KATNAL1: variants seen among roughly 807,000 people sequenced by gnomAD.
The protein encoded by KATNAL1 is katanin p60 ATPase-containing subunit A-like 1.
In KATNAL1, 32 loss-of-function variants were observed where a neutral mutation model predicts 55.2. The observed-to-expected ratio is 0.58, with a 90% confidence interval of 0.44 to 0.78. KATNAL1 has a LOEUF of 0.78. Ranked by LOEUF, KATNAL1 falls within the 30% of genes least tolerant of loss-of-function variation. KATNAL1 has a pLI of 0.00. For synonymous variants in KATNAL1, 193 were observed against 193.6 expected, an observed-to-expected ratio of 1.00 and a Z score of 0.02; for missense variants, 466 against 600.9, an observed-to-expected ratio of 0.78 and a Z score of 2.35.
chr13:30,280,647 A>C (rs979113920), intron 2 of KATNAL1, among the ~76,000 whole-genome samples: 1 of 152,178 alleles, frequency 6.6e-6, no homozygotes, highest in Non-Finnish European at 1.5e-5. Flanking sequence ...CAATATCACT[A>C]AATATAAAAC....
intron 2 of KATNAL1, among the ~76,000 whole-genome samples, chr13:30,282,037 A>T (rs116485681): frequency 0.53 from 79,471 of 150,648 alleles, 21,955 homozygotes; most frequent in African/African-American, 0.72. Context: ...TTATTTGTAA[A>T]AAAAAAAAAA....
chr13:30,280,359 C>A, intron 2 of KATNAL1, 136 bp from the exon 3 acceptor site: 1 of 609,352 alleles, frequency 1.6e-6, no homozygotes, highest in South Asian at 3.9e-5. Flanking sequence ...TTCATAAATA[C>A]AAAGAACTAT....
In KATNAL1 at chr13:30,232,600, C is replaced by G. The variant is rs144040996; in HGVS notation, c.727-1128G>C. On this transcript the variant is annotated intron_variant, in intron 6 of 10. Transcript: ENST00000380615. ...AACCAGAGCAAAGTTCTTATTTCTC[C>G]GATGCCTTTTTCCATGCTCTCTGAG... Among the ~76,000 whole-genome samples, 255 of 152,238 alleles carry G rather than the reference C, an allele frequency of 1.7e-3. 1 individual carries two copies. Among genetic ancestry groups the G allele is most frequent in the African/African-American group, 5.6e-3 (232 of 41,544 alleles).
chr13:30,246,228 G>A lies in KATNAL1; in HGVS notation c.493-5142C>T, dbSNP rs1336538439. Among the ~76,000 whole-genome samples, 4 of 152,284 alleles carry A rather than the reference G, an allele frequency of 2.6e-5. No individual in the cohort carries two copies. The East Asian group carries it at 7.7e-4, about 29-fold the overall frequency. ...CCAATGGAACAGAACAGAGGCCTCA[G>A]AAATAATGCCACACATCTACAACCA... On this transcript the variant is annotated intron_variant, in intron 4 of 10. Transcript: ENST00000380615.
In KATNAL1 at chr13:30,208,275, C is replaced by A; in HGVS notation, c.*265G>T. ...ATATCACACTGCGCCCTTGCTTCAG[C>A]CTCCCTGATAGACTGGTTTGGGTGT... On this transcript the variant is annotated 3_prime_UTR_variant, in exon 11 of 11. Transcript: ENST00000380615. 1 of 316,678 alleles carries A rather than the reference C, an allele frequency of 3.2e-6. No individual in the cohort carries two copies. The allele number at this position is 316,678 out of a possible 1,614,324, so 19.6% of individuals were successfully genotyped here.
At chr13:30,256,699 G>GA (rs908393931) in intron 3 of KATNAL1, among the ~76,000 whole-genome samples, 31 of 145,504 alleles carry the variant, frequency 2.1e-4, no homozygotes, top group Middle Eastern at 3.4e-3. Flanking sequence ...GTAAGAAAAA[G>GA]AAAAAAAAAG....
At chr13:30,229,049 A>G (rs74505213) in intron 8 of KATNAL1, among the ~76,000 whole-genome samples, 15,246 of 152,250 alleles carry the variant, frequency 0.1, 1,035 homozygotes, top group African/African-American at 0.19. Context: ...CATTGCACTC[A>G]GTCCCTCACC....
At chr13:30,270,773 G>T (rs1457435997) in intron 3 of KATNAL1, among the ~76,000 whole-genome samples, 3 of 151,038 alleles carry the variant, frequency 2.0e-5, no homozygotes, top group Non-Finnish European at 3.0e-5. Flanking sequence ...CACAAACACT[G>T]CGGAAGGCCG....
At chr13:30,214,721 T>G (rs1055769668) in intron 9 of KATNAL1, among the ~76,000 whole-genome samples, 1 of 152,060 alleles carries the variant, frequency 6.6e-6, no homozygotes, top group African/African-American at 2.4e-5. Context: ...GCTAGCCATA[T>G]GTAGAAAGCT....
intron 3 of KATNAL1, among the ~76,000 whole-genome samples, chr13:30,265,207 A>G (rs1026960270): frequency 7.7e-6 from 1 of 129,540 alleles, no homozygotes; most frequent in African/African-American, 3.0e-5. Flanking sequence ...GGAACATCAC[A>G]CTCTGGGGAC....
intron 6 of KATNAL1, among the ~76,000 whole-genome samples, chr13:30,231,949 T>C (rs1217421385): frequency 1.3e-5 from 2 of 152,158 alleles, no homozygotes; most frequent in African/African-American, 4.8e-5. Context: ...AAAGACCCAT[T>C]TATGAGTTAA....
At chr13:30,259,614 C>A (rs76143054) in intron 3 of KATNAL1, among the ~76,000 whole-genome samples, 1 of 152,146 alleles carries the variant, frequency 6.6e-6, no homozygotes, top group East Asian at 1.9e-4. Flanking sequence ...GGGTGACAGA[C>A]GGCACCTGGA....
intron 3 of KATNAL1, among the ~76,000 whole-genome samples, chr13:30,269,734 G>A (rs1272311050): frequency 6.6e-6 from 1 of 150,738 alleles, no homozygotes; most frequent in African/African-American, 2.4e-5. Flanking sequence ...CCCCGTCTGA[G>A]AAGAGAGGAG....
At chr13:30,271,462 A>C (rs911017989) in intron 3 of KATNAL1, among the ~76,000 whole-genome samples, 3 of 152,174 alleles carry the variant, frequency 2.0e-5, no homozygotes, top group Non-Finnish European at 4.4e-5. Context: ...CAGAAGGTGA[A>C]GGGGAAGAAG....
intron 3 of KATNAL1, among the ~76,000 whole-genome samples, chr13:30,263,824 C>T (rs1034461283): frequency 1.4e-5 from 2 of 143,342 alleles, no homozygotes; most frequent in Admixed American, 1.4e-4. Flanking sequence ...AGATTCAATG[C>T]CATCCCCATC....
intron 7 of KATNAL1, 149 bp downstream of exon 7, chr13:30,231,165 T>C: frequency 3.7e-6 from 2 of 545,082 alleles, no homozygotes; most frequent in Non-Finnish European, 6.1e-6. Context: ...ACAAAACCCA[T>C]CACCCCAATT....
chr13:30,260,026 G>A (rs1879138121), intron 3 of KATNAL1, among the ~76,000 whole-genome samples: 1 of 152,200 alleles, frequency 6.6e-6, no homozygotes, highest in Non-Finnish European at 1.5e-5. Context: ...CTGGAGATCT[G>A]AGAACAGGCA....
chr13:30,232,070 C>A (rs570636086), intron 6 of KATNAL1, among the ~76,000 whole-genome samples: 1 of 152,062 alleles, frequency 6.6e-6, no homozygotes, highest in South Asian at 2.1e-4. Flanking sequence ...ATGAAAGAAC[C>A]AGTACAGAAT....
Position 30,208,348 on chromosome 13 carries a change from G to T in KATNAL1, c.*192C>A. The T allele has an allele frequency of 1.9e-6, 1 of 532,500 alleles. No individual in the cohort carries two copies. Among genetic ancestry groups the T allele is most frequent in the Non-Finnish European group, 3.3e-6 (1 of 305,336 alleles). 33.0% of individuals were successfully genotyped at this position (532,500 alleles called of 1,614,324 possible). A position where few individuals can be genotyped will look rare whatever the true frequency, so the allele number is the denominator to read the frequency against. On this transcript the variant is annotated 3_prime_UTR_variant, in exon 11 of 11. Transcript: ENST00000380615. Reference sequence around the variant, plus strand: ...TGGAATACCAGCACAAAGCCGGGGAGGGAGACTAGCAAACTCTCGCCATCA... The same window carrying T: ...TGGAATACCAGCACAAAGCCGGGGATGGAGACTAGCAAACTCTCGCCATCA...
Sources: allele counts gnomAD v4.1 joint callset (sites outside exome capture counted in the v4.1 genomes callset), GRCh38; gene constraint gnomAD v4.1.1; transcripts MANE v1.5; gene names NCBI Gene and HGNC (gene_info 2026-07-23, HGNC 2026-07-21).